Variants in GABRG3 observed in about 807,000 individuals in gnomAD.
GABRG3 encodes gamma-aminobutyric acid type A receptor subunit gamma3.
In GABRG3, 25 loss-of-function variants were observed where a neutral mutation model predicts 48.8. The ratio of observed to expected loss-of-function variants is 0.51; its 90% CI spans 0.37 to 0.72. GABRG3 has a LOEUF of 0.72. GABRG3 is among the 30% of genes least tolerant of loss of function. The pLI is 0.00. For synonymous variants in GABRG3, 227 were observed against 217.6 expected (o/e 1.04, Z -0.38); for missense variants, 394 against 577.9 (o/e 0.68, Z 3.26).
At chr15:27,248,323 C>T (rs1462009186) in intron 3 of GABRG3, among the ~76,000 whole-genome samples, 1 of 152,160 alleles carries the variant, frequency 6.6e-6, no homozygotes, top group African/African-American at 2.4e-5. Flanking sequence ...TTGGTAGATC[C>T]CTGTTCCTAG....
intron 6 of GABRG3, among the ~76,000 whole-genome samples, chr15:27,514,676 G>A (rs182255791): frequency 7.9e-5 from 12 of 152,340 alleles, no homozygotes; most frequent in East Asian, 5.8e-4. Flanking sequence ...ACACTCACGA[G>A]GAAGGAACAA....
intron 2 of GABRG3, among the ~76,000 whole-genome samples, chr15:27,009,436 C>T (rs1895646864): frequency 6.6e-6 from 1 of 152,188 alleles, no homozygotes; most frequent in Non-Finnish European, 1.5e-5. Context: ...ATACATCCTA[C>T]ATATTTACAT....
At chr15:27,294,985 G>C (rs1891931090) in intron 3 of GABRG3, 1 of 152,150 alleles carries the variant, frequency 6.6e-6, no homozygotes, top group African/African-American at 2.4e-5. Context: ...AGAGGAAGGA[G>C]ACCTGGCCAG....
At chr15:27,202,225 T>C (rs1309143783) in intron 3 of GABRG3, among the ~76,000 whole-genome samples, 1 of 152,238 alleles carries the variant, frequency 6.6e-6, no homozygotes, top group Non-Finnish European at 1.5e-5. Flanking sequence ...GTTTCCTTTT[T>C]ATAAGGTTAG....
chr15:27,352,034 A>G lies in GABRG3; in HGVS notation c.574+23146A>G, dbSNP rs1341672233. ...GTGTGGGTTTATGGTGTATGCGTGT[A>G]TAGTGTGTGTGTGTATGGTATGTGT... On this transcript the variant is annotated intron_variant, in intron 5 of 9. Coordinates refer to ENST00000615808, the MANE Select transcript of GABRG3 (RefSeq NM_033223.5). This position sits in a 1 kb window ranked among gnomAD's most constrained non-coding sequence, Gnocchi z 4.0. 1.4e-5 allele frequency among the ~76,000 whole-genome samples: 2 copies of G among 140,228 alleles called. No homozygotes were observed. The highest frequency in any genetic ancestry group is 5.4e-5 in the African/African-American group (2 of 37,066). 92.0% of individuals were successfully genotyped at this position (140,228 alleles called of 152,430 possible).
At chr15:27,480,132 C>G (rs1416255517) in intron 5 of GABRG3, among the ~76,000 whole-genome samples, 1 of 152,226 alleles carries the variant, frequency 6.6e-6, no homozygotes, top group Non-Finnish European at 1.5e-5. Flanking sequence ...GTCCCTGAAG[C>G]AGGTCAACAT....
At chr15:27,077,913 T>C (rs146318213) in intron 3 of GABRG3, among the ~76,000 whole-genome samples, 132 of 152,298 alleles carry the variant, frequency 8.7e-4, no homozygotes, top group Middle Eastern at 6.8e-3. Flanking sequence ...AGGGGAGCTA[T>C]TGTGCACCCC....
In GABRG3 at chr15:27,539,141, A is replaced by G. The variant is rs144166797; in HGVS notation, c.*6260A>G. On this transcript the variant is annotated 3_prime_UTR_variant, in exon 10 of 10. Transcript: ENST00000615808. ...TTGTCATTTTAGGGACATGGTGATA[A>G]TCAGGACTGATGCCAGTAAGTGGGA... 6.6e-6 allele frequency: 1 copy of G among 152,156 alleles called. No individual in the cohort carries two copies. Among genetic ancestry groups the G allele is most frequent in the African/African-American group, 2.4e-5 (1 of 41,430 alleles). The allele number at this position is 152,156 out of a possible 1,614,324, so 9.4% of individuals were successfully genotyped here. A position where few individuals can be genotyped will look rare whatever the true frequency, so the allele number is the denominator to read the frequency against.
At position 27,452,069 on chromosome 15, in the gene GABRG3, C is replaced by T. The variant is rs114479434; in HGVS notation, c.575-28581C>T. Among the ~76,000 whole-genome samples the T allele has an allele frequency of 1.8e-3, 271 of 152,180 alleles. 1 individual carries two copies. Among genetic ancestry groups the T allele is most frequent in the African/African-American group, 6.1e-3 (252 of 41,492 alleles). On this transcript the variant is annotated intron_variant, in intron 5 of 9. Coordinates refer to ENST00000615808, the MANE Select transcript of GABRG3 (RefSeq NM_033223.5). ...AAAATTTTTAAGTTGAACAAAAGTG[C>T]GCAGGACCTAAACATTTCTCAAAAG...
At chr15:27,136,868 C>G (rs543189956) in intron 3 of GABRG3, among the ~76,000 whole-genome samples, 87 of 152,202 alleles carry the variant, frequency 5.7e-4, no homozygotes, top group African/African-American at 1.9e-3. Context: ...CTGCTACAGC[C>G]CTAACCTAGG....
intron 2 of GABRG3, among the ~76,000 whole-genome samples, chr15:26,978,344 A>G (rs1894990294): frequency 6.6e-6 from 1 of 151,954 alleles, no homozygotes; most frequent in African/African-American, 2.4e-5. Context: ...AATCCAATTT[A>G]TTGATTTTTT....
chr15:27,069,542 C>T (rs1896793272), intron 3 of GABRG3, among the ~76,000 whole-genome samples: 1 of 152,202 alleles, frequency 6.6e-6, no homozygotes, highest in African/African-American at 2.4e-5. Context: ...CTCTCTTTCG[C>T]TGTGTGCATA....
In GABRG3 at chr15:27,402,807, G is replaced by A. The variant is rs114739985; in HGVS notation, c.574+73919G>A. On this transcript the variant is annotated intron_variant, in intron 5 of 9. Coordinates refer to ENST00000615808, the MANE Select transcript of GABRG3 (RefSeq NM_033223.5). Reference sequence around the variant, plus strand: ...GAAAATATACCATAAGCAACTAACAGGAGGAGAGCAAGAAATAAATAGAAA... The same window carrying A: ...GAAAATATACCATAAGCAACTAACAAGAGGAGAGCAAGAAATAAATAGAAA... Among the ~76,000 whole-genome samples, 705 of 152,312 alleles carry A rather than the reference G, an allele frequency of 4.6e-3. 2 individuals carry two copies. Among genetic ancestry groups the A allele is most frequent in the African/African-American group, 0.016 (659 of 41,564 alleles).
chr15:27,289,253 C>T (rs1891718606), intron 3 of GABRG3, among the ~76,000 whole-genome samples: 1 of 150,412 alleles, frequency 6.6e-6, no homozygotes, highest in Admixed American at 6.6e-5. Flanking sequence ...TTGCTTTCCG[C>T]CCATTCTATG....
rs535924241 is a variant in GABRG3 at position 27,291,526 on chromosome 15, A to G, written c.271-35283A>G. On this transcript the variant is annotated intron_variant, in intron 3 of 9. Coordinates refer to ENST00000615808, the MANE Select transcript of GABRG3 (RefSeq NM_033223.5). Reference sequence around the variant, plus strand: ...TCCCACCAAAATCCATCAAAGTGGCAGCAGATGTGCTTATTTTAAAACAGT... The same window carrying G: ...TCCCACCAAAATCCATCAAAGTGGCGGCAGATGTGCTTATTTTAAAACAGT... Among the ~76,000 whole-genome samples the G allele has an allele frequency of 1.2e-4, 19 of 152,342 alleles. No individual in the cohort carries two copies. The South Asian group carries it at 3.5e-3, about 28-fold the overall frequency.
At chr15:27,469,410 G>A (rs1031022310) in intron 5 of GABRG3, among the ~76,000 whole-genome samples, 1 of 151,916 alleles carries the variant, frequency 6.6e-6, no homozygotes, top group Non-Finnish European at 1.5e-5. Flanking sequence ...GCACAATCTC[G>A]GCTCTCTGCA....
intron 3 of GABRG3, among the ~76,000 whole-genome samples, chr15:27,192,213 T>C (rs1888337218): frequency 6.6e-6 from 1 of 152,138 alleles, no homozygotes; most frequent in South Asian, 2.1e-4. Flanking sequence ...TTGGAGTTGC[T>C]CTTCTCAAGG....
At chr15:27,029,816 G>A (rs1220128923) in intron 3 of GABRG3, among the ~76,000 whole-genome samples, 1 of 152,170 alleles carries the variant, frequency 6.6e-6, no homozygotes, top group Non-Finnish European at 1.5e-5. Context: ...AAGCCCTCAG[G>A]AGGCAGGGGC....
intron 3 of GABRG3, among the ~76,000 whole-genome samples, chr15:27,063,410 G>T (rs1406360389): frequency 6.6e-6 from 1 of 152,196 alleles, no homozygotes; most frequent in Non-Finnish European, 1.5e-5. Context: ...TCTGGATCAT[G>T]GGGAGGATCC....
Sources: gnomAD v4.1 joint callset for allele counts (sites outside exome capture counted in the v4.1 genomes callset) on GRCh38, gnomAD v4.1.1 for gene constraint, Gnocchi (gnomAD v3.1) non-coding constraint, MANE v1.5 for transcripts, NCBI Gene and HGNC (gene_info 2026-07-23, HGNC 2026-07-21) for gene names.